The following RAB11FIP3 variants were observed in gnomAD, a reference collection of about 807,000 sequenced individuals.
The protein encoded by RAB11FIP3 is rab11 family-interacting protein 3.
Under a neutral mutation model 77.8 loss-of-function variants are expected in RAB11FIP3, and 17 were observed. The observed-to-expected ratio is 0.22, with a 90% CI of 0.15 to 0.33. The LOEUF (loss-of-function observed/expected upper bound fraction) is 0.33. RAB11FIP3 is among the 10% of genes least tolerant of loss of function. The pLI is 1.00. For synonymous variants in RAB11FIP3, 437 were observed against 448.2 expected, an observed-to-expected ratio of 0.98 and a Z score of 0.31; for missense variants, 1,005 against 1,011.2, an observed-to-expected ratio of 0.99 and a Z score of 0.08.
chr16:440,690 T>G (rs1157156801), intron 1 of RAB11FIP3, among the ~76,000 whole-genome samples: 1 of 152,258 alleles, frequency 6.6e-6, no homozygotes, highest in East Asian at 1.9e-4. Context: ...CTTTTATCCC[T>G]TATGGGAAGG....
intron 5 of RAB11FIP3, among the ~76,000 whole-genome samples, chr16:492,360 T>TCCCCGGGAGACCCGAGGCCGCCCAGGGCC: frequency 7.8e-5 from 2 of 25,634 alleles, no homozygotes; most frequent in South Asian, 7.0e-4. Context: ...TTGAAGAGGG[T>TCCCCGGGAGACCCGAGGCCGCCCAGGGCC]CTTCCCGGGA....
intron 4 of RAB11FIP3, 54 bp downstream of exon 4, chr16:482,790 G>A (rs916122561): frequency 3.3e-6 from 5 of 1,520,908 alleles, no homozygotes; most frequent in Non-Finnish European, 2.7e-6. Flanking sequence ...GGCACCCTGT[G>A]GAGGTGTCTG....
chr16:488,974 C>T lies in RAB11FIP3; in HGVS notation c.1239C>T (p.Cys413=), dbSNP rs1273341910. ...PETLCNGQLG[C]SDPAFLTPSP... ...CCCTATGCAACGGGCAGCTGGGCTG[C>T]AGTGACCCCGCTTTCCTCACGCCCA... Residue 413 remains cysteine (C), a synonymous_variant, in exon 5 of 14, where the codon TGC becomes TGT. Coordinates refer to ENST00000262305, the MANE Select transcript of RAB11FIP3 (RefSeq NM_014700.4). 2 of 1,613,866 alleles carry T rather than the reference C, an allele frequency of 1.2e-6. No individual in the cohort carries two copies. The highest frequency in any genetic ancestry group is 1.7e-5 in the Admixed American group (1 of 59,984).
At chr16:432,766 G>A (rs1196513163) in intron 1 of RAB11FIP3, among the ~76,000 whole-genome samples, 1 of 150,460 alleles carries the variant, frequency 6.6e-6, no homozygotes, top group Non-Finnish European at 1.5e-5. Flanking sequence ...CCACCACTCC[G>A]GCTAAATTTT....
intron 3 of RAB11FIP3, among the ~76,000 whole-genome samples, chr16:477,997 A>C (rs1406813191): frequency 6.6e-6 from 1 of 152,152 alleles, no homozygotes; most frequent in Non-Finnish European, 1.5e-5. Flanking sequence ...GCAGGGCTCC[A>C]GGTGGTTGAG....
intron 1 of RAB11FIP3, among the ~76,000 whole-genome samples, chr16:434,643 C>G (rs1209885734): frequency 1.3e-5 from 2 of 151,972 alleles, no homozygotes; most frequent in African/African-American, 4.8e-5. Context: ...ATCTCCAACT[C>G]CTGGGCTCAA....
At chr16:493,250 CCAA>C (rs1361640563) in intron 5 of RAB11FIP3, among the ~76,000 whole-genome samples, 2 of 87,986 alleles carry the variant, frequency 2.3e-5, no homozygotes, top group Non-Finnish European at 2.3e-5. Flanking sequence ...AACTCTGACT[CCAA>C]AAAAAAAAAA....
intron 1 of RAB11FIP3, among the ~76,000 whole-genome samples, chr16:454,103 G>A (rs891995217): frequency 6.6e-6 from 1 of 152,166 alleles, no homozygotes; most frequent in Non-Finnish European, 1.5e-5. Context: ...CATCATTCCA[G>A]GTGGTTGAAG....
intron 1 of RAB11FIP3, among the ~76,000 whole-genome samples, chr16:460,156 G>A (rs2055580392): frequency 6.6e-6 from 1 of 152,094 alleles, no homozygotes; most frequent in Non-Finnish European, 1.5e-5. Flanking sequence ...GGGATTACAG[G>A]TGTGAGCCAC....
intron 8 of RAB11FIP3, among the ~76,000 whole-genome samples, chr16:509,976 C>T (rs1456881205): frequency 1.3e-5 from 2 of 152,262 alleles, no homozygotes; most frequent in African/African-American, 2.4e-5. Context: ...TCATCAGACA[C>T]TCACTTCCTG....
chr16:442,818 C>A (rs576063551), intron 1 of RAB11FIP3, among the ~76,000 whole-genome samples: 1 of 152,168 alleles, frequency 6.6e-6, no homozygotes, highest in Admixed American at 6.6e-5. Context: ...CAACAGGCTC[C>A]GTGCTAGAGC....
At chr16:459,360 A>G (rs913498776) in intron 1 of RAB11FIP3, among the ~76,000 whole-genome samples, 4 of 151,392 alleles carry the variant, frequency 2.6e-5, no homozygotes, top group African/African-American at 9.7e-5. Flanking sequence ...TCCGGACCTC[A>G]GGTGATCCGC....
intron 6 of RAB11FIP3, among the ~76,000 whole-genome samples, chr16:497,939 C>CAAAAAAAA (rs747783090): frequency 2.2e-5 from 1 of 46,130 alleles, no homozygotes. Context: ...CCTGTCTCTA[C>CAAAAAAAA]AAAAAAAAAA....
rs1467196637 is a variant in RAB11FIP3 at position 461,229 on chromosome 16, G to C, written c.715-175G>C. On this transcript the variant is annotated intron_variant, in intron 1 of 13. Coordinates refer to ENST00000262305, the MANE Select transcript of RAB11FIP3 (RefSeq NM_014700.4). This position sits in a 1 kb window ranked among gnomAD's most constrained non-coding sequence, Gnocchi z 4.5. ...CTTTGCGCTCCTGTGAGAAGAACCTGATGCTCCTGCTGATCTGACAGGAGG... is the reference window on the plus strand; with the variant it reads ...CTTTGCGCTCCTGTGAGAAGAACCTCATGCTCCTGCTGATCTGACAGGAGG... 6.6e-6 allele frequency among the ~76,000 whole-genome samples: 1 copy of C among 152,188 alleles called. No homozygotes were observed. The highest frequency in any genetic ancestry group is 1.5e-5 in the Non-Finnish European group (1 of 68,020).
Position 514,846 on chromosome 16 carries a change from C to A in RAB11FIP3, c.1640+4046C>A, listed in dbSNP as rs954975192. Reference sequence around the variant, plus strand: ...TTGCAGCTTGTGGCACCTGCCGAACCCCCGGCGTTGGGGTACATGGCCCAT... The same window carrying A: ...TTGCAGCTTGTGGCACCTGCCGAACACCCGGCGTTGGGGTACATGGCCCAT... On this transcript the variant is annotated intron_variant, in intron 9 of 13. Transcript: ENST00000262305. This position sits in a 1 kb window ranked among gnomAD's most constrained non-coding sequence, Gnocchi z 4.6. Among the ~76,000 whole-genome samples, 1 of 152,232 alleles carries A rather than the reference C, an allele frequency of 6.6e-6. No individual in the cohort carries two copies. Among genetic ancestry groups the A allele is most frequent in the African/African-American group, 2.4e-5 (1 of 41,468 alleles).
intron 1 of RAB11FIP3, among the ~76,000 whole-genome samples, chr16:447,178 C>T (rs924944870): frequency 6.6e-6 from 1 of 150,732 alleles, no homozygotes; most frequent in Non-Finnish European, 1.5e-5. Flanking sequence ...GATGGTTTAC[C>T]CCTGTAGTTC....
intron 1 of RAB11FIP3, among the ~76,000 whole-genome samples, chr16:429,709 G>A (rs1473066433): frequency 6.6e-6 from 1 of 151,988 alleles, no homozygotes; most frequent in East Asian, 1.9e-4. Context: ...TGTTGGCCAG[G>A]CTGGTCTTGA....
chr16:520,643 T>G, intron 13 of RAB11FIP3, 44 bp downstream of exon 13: 1 of 1,609,934 alleles, frequency 6.2e-7, no homozygotes. Flanking sequence ...GGGTCCACAG[T>G]CTGCACTGTC....
In RAB11FIP3 at chr16:520,256, G is replaced by C. The variant is rs2032620687; in HGVS notation, c.1995G>C (p.Gln665His). 1 of 1,547,342 alleles carries C rather than the reference G, an allele frequency of 6.5e-7. No individual in the cohort carries two copies. The highest frequency in any genetic ancestry group is 1.4e-5 in the African/African-American group (1 of 73,348). Residue 665 changes from glutamine to histidine, a missense_variant, in exon 12 of 14, where the codon CAG (glutamine) becomes CAC (histidine). Transcript: ENST00000262305. ...GCGCCCGGGAGAGCGAGCTGGAGCA[G>C]GAGGTCCGCAGGCTGAAGCAGGTGG... ...HSRARESELE[Q>H]EVRRLKQDNR... is the part of the protein sequence containing the mutation.
Sources: gnomAD v4.1 joint callset for allele counts (sites outside exome capture counted in the v4.1 genomes callset) on GRCh38, gnomAD v4.1.1 for gene constraint, Gnocchi (gnomAD v3.1) non-coding constraint, MANE v1.5 for transcripts, NCBI Gene and HGNC (gene_info 2026-07-23, HGNC 2026-07-21) for gene names.